IPO11: variants seen among roughly 807,000 people sequenced by gnomAD.
The protein encoded by IPO11 is importin 11.
IPO11 carries 66 observed loss-of-function variants against 143.2 expected under a neutral mutation model. That is an observed-to-expected ratio of 0.46 (90% confidence interval 0.38 to 0.57). The LOEUF (loss-of-function observed/expected upper bound fraction) is 0.57, where lower values mean the gene tolerates loss of function less well. Ranked by LOEUF, IPO11 falls within the 20% of genes least tolerant of loss-of-function variation. The probability of loss-of-function intolerance (pLI) is 0.00; values close to 1 mark genes in which losing one functional copy is unlikely to be tolerated. For synonymous variants in IPO11, 385 were observed against 377.8 expected (o/e 1.02, Z -0.22); for missense variants, 1,026 against 1,141.0 (o/e 0.90, Z 1.45).
At chr5:62,588,496 G>A (rs899910218) in intron 27 of IPO11, among the ~76,000 whole-genome samples, 23 of 152,178 alleles carry the variant, frequency 1.5e-4, no homozygotes, top group African/African-American at 5.5e-4. Context: ...GCCTCCCGAA[G>A]TGCTGGAATT....
intron 2 of IPO11, among the ~76,000 whole-genome samples, chr5:62,437,649 CTG>C (rs1744289699): frequency 6.6e-6 from 1 of 152,068 alleles, no homozygotes; most frequent in Non-Finnish European, 1.5e-5. Context: ...GAAGGCAAAA[CTG>C]TGATGATTTT....
intron 3 of IPO11, among the ~76,000 whole-genome samples, chr5:62,443,500 C>T (rs1744585756): frequency 6.6e-6 from 1 of 151,468 alleles, no homozygotes; most frequent in Admixed American, 6.6e-5. Flanking sequence ...CAAAAGCCCT[C>T]TGTTTTAGTC....
At chr5:62,416,734 T>C (rs1023105037) in intron 1 of IPO11, among the ~76,000 whole-genome samples, 1 of 151,260 alleles carries the variant, frequency 6.6e-6, no homozygotes, top group African/African-American at 2.4e-5. Context: ...TTTTTATTTT[T>C]TTTTTTTGAG....
chr5:62,513,876 G>A (rs1249678687), intron 19 of IPO11, among the ~76,000 whole-genome samples: 1 of 150,330 alleles, frequency 6.7e-6, no homozygotes, highest in Non-Finnish European at 1.5e-5. Context: ...CTTCTCAGAC[G>A]GGGCGGCCGG....
At chr5:62,416,108 C>T (rs1388998081) in intron 1 of IPO11, among the ~76,000 whole-genome samples, 1 of 151,870 alleles carries the variant, frequency 6.6e-6, no homozygotes, top group Non-Finnish European at 1.5e-5. Context: ...CACCTTCTTG[C>T]TGCCTTTTCT....
At position 62,423,734 on chromosome 5, in the gene IPO11, G is replaced by C. The variant is rs147651963; in HGVS notation, c.-7+10805G>C. Among the ~76,000 whole-genome samples, 54 of 152,196 alleles carry C rather than the reference G, an allele frequency of 3.5e-4. 1 individual carries two copies. In the East Asian group the frequency reaches 8.7e-3, roughly 24 times the overall value. ...TAGAAGCTTGGTCAGATTCAGGTTT[G>C]TTTGTTTGTTTTTTTGGCAAGCAGC... On this transcript the variant is annotated intron_variant, in intron 1 of 29. Coordinates refer to ENST00000325324, the MANE Select transcript of IPO11 (RefSeq NM_016338.5).
chr5:62,459,407 A>AATAT (rs1745279573), intron 5 of IPO11, among the ~76,000 whole-genome samples: 1 of 152,056 alleles, frequency 6.6e-6, no homozygotes, highest in Non-Finnish European at 1.5e-5. Context: ...TAAATAAATA[A>AATAT]ATAAATATTA....
At chr5:62,614,631 C>T (rs1189685092) in intron 29 of IPO11, among the ~76,000 whole-genome samples, 1 of 152,184 alleles carries the variant, frequency 6.6e-6, no homozygotes, top group African/African-American at 2.4e-5. Context: ...GTGCAGGAGC[C>T]AGGGCAAATA....
Position 62,484,654 on chromosome 5 carries a change from A to T in IPO11, c.1174+492A>T, listed in dbSNP as rs560198333. 1.6e-4 allele frequency among the ~76,000 whole-genome samples: 24 copies of T among 151,904 alleles called. 1 individual carries two copies. In the South Asian group the frequency reaches 4.8e-3, roughly 30 times the overall value. Reference sequence around the variant, plus strand: ...TTGGGACCCTTGCTATAGAAAATCAAGGAATCATGTGTCTAATAAAGTACT... The same window carrying T: ...TTGGGACCCTTGCTATAGAAAATCATGGAATCATGTGTCTAATAAAGTACT... On this transcript the variant is annotated intron_variant, in intron 11 of 29. Coordinates refer to ENST00000325324, the MANE Select transcript of IPO11 (RefSeq NM_016338.5).
Position 62,554,716 on chromosome 5 carries a change from T to TG in IPO11, c.2460+3387dup, listed in dbSNP as rs1203560693. Among the ~76,000 whole-genome samples, 59 of 25,956 alleles carry TG rather than the reference T, an allele frequency of 2.3e-3. 1 individual carries two copies. The highest frequency in any genetic ancestry group is 7.9e-3 in the African/African-American group (50 of 6,328). The allele number at this position is 25,956 out of a possible 152,430, so 17.0% of individuals were successfully genotyped here. On this transcript the variant is annotated intron_variant, in intron 26 of 29. Coordinates refer to ENST00000325324, the MANE Select transcript of IPO11 (RefSeq NM_016338.5). ...TTTGTTATACAGACACACACTTTTTTGGGGGGGTGGGGGTGGGGAGACAGA... is the reference window on the plus strand; with the variant it reads ...TTTGTTATACAGACACACACTTTTTTGGGGGGGGTGGGGGTGGGGAGACAGA...
intron 5 of IPO11, among the ~76,000 whole-genome samples, chr5:62,466,161 T>C (rs1163597766): frequency 6.6e-6 from 1 of 152,158 alleles, no homozygotes; most frequent in Non-Finnish European, 1.5e-5. Flanking sequence ...CACAGGATGT[T>C]TTGCCAAGAC....
At position 62,536,697 on chromosome 5, in the gene IPO11, G is replaced by A; in HGVS notation, c.2090-5G>A. 1 of 1,573,064 alleles carries A rather than the reference G, an allele frequency of 6.4e-7. No homozygotes were observed. The highest frequency in any genetic ancestry group is 1.2e-5 in the South Asian group (1 of 83,616). Reference sequence around the variant, plus strand: ...TTTTTTGTTTGACATTTATTGTTTTGGCAGAACTAAGTTCAGAAAATCTTA... The same window carrying A: ...TTTTTTGTTTGACATTTATTGTTTTAGCAGAACTAAGTTCAGAAAATCTTA... On this transcript the variant is annotated splice_region_variant and splice_polypyrimidine_tract_variant and intron_variant, in intron 22 of 29. Coordinates refer to ENST00000325324, the MANE Select transcript of IPO11 (RefSeq NM_016338.5).
intron 19 of IPO11, among the ~76,000 whole-genome samples, chr5:62,508,628 C>CTCTT (rs373649225): frequency 2.1e-5 from 3 of 140,906 alleles, no homozygotes; most frequent in Non-Finnish European, 4.7e-5. Flanking sequence ...CCGTCTCTCT[C>CTCTT]TCTTTCTTTC....
intron 5 of IPO11, among the ~76,000 whole-genome samples, chr5:62,456,902 G>A (rs1745180514): frequency 6.6e-6 from 1 of 151,986 alleles, no homozygotes; most frequent in Non-Finnish European, 1.5e-5. Context: ...GACCAGCCTG[G>A]CCAACATGGT....
At chr5:62,456,865 G>A (rs1183939925) in intron 5 of IPO11, among the ~76,000 whole-genome samples, 5 of 152,114 alleles carry the variant, frequency 3.3e-5, no homozygotes, top group African/African-American at 1.2e-4. Context: ...AGGCTGAGGC[G>A]GGTGGATCAT....
chr5:62,598,435 TCTCTCTCTCTCTCTCTC>T, intron 28 of IPO11, among the ~76,000 whole-genome samples: 10 of 3,030 alleles, frequency 3.3e-3, no homozygotes, highest in Non-Finnish European at 4.8e-3. Flanking sequence ...TTTCTTTCTC[TCTCTCTCTCTCTCTCTC>T]TCTCTCTCTC....
chr5:62,433,974 A>G (rs1289565180), intron 1 of IPO11, among the ~76,000 whole-genome samples: 2 of 152,036 alleles, frequency 1.3e-5, no homozygotes, highest in Non-Finnish European at 2.9e-5. Flanking sequence ...TGATAGCAAT[A>G]TATTTATGTT....
intron 27 of IPO11, among the ~76,000 whole-genome samples, chr5:62,582,025 C>T (rs78290050): frequency 4.1e-4 from 63 of 152,196 alleles, no homozygotes; most frequent in African/African-American, 1.4e-3. Context: ...CAGCTGGTGT[C>T]GTGAATGATG....
intron 1 of IPO11, among the ~76,000 whole-genome samples, chr5:62,424,353 A>G (rs960485580): frequency 5.3e-5 from 8 of 151,790 alleles, no homozygotes; most frequent in African/African-American, 1.9e-4. Flanking sequence ...GTTAGCCAAG[A>G]TGGTCTCGAT....
Sources: allele counts gnomAD v4.1 joint callset (sites outside exome capture counted in the v4.1 genomes callset), GRCh38; gene constraint gnomAD v4.1.1; transcripts MANE v1.5; gene names NCBI Gene and HGNC (gene_info 2026-07-23, HGNC 2026-07-21).